PAK5: variants seen among roughly 807,000 people sequenced by gnomAD.
The protein encoded by PAK5 is p21 (RAC1) activated kinase 5.
PAK5 carries 16 observed loss-of-function variants against 65.9 expected under a neutral mutation model. That is an observed-to-expected ratio of 0.24 (90% CI 0.16 to 0.37). PAK5 has a LOEUF of 0.37. Among genes scored for constraint, PAK5 ranks in the 10% least tolerant of loss-of-function variants. The pLI is 1.00. For missense variants in PAK5, 785 were observed against 903.9 expected (o/e 0.87, Z 1.69); for synonymous variants, 371 against 354.9 (o/e 1.05, Z -0.51).
chr20:9,645,032 A>G (rs917775673), intron 2 of PAK5, among the ~76,000 whole-genome samples: 1 of 152,238 alleles, frequency 6.6e-6, no homozygotes, highest in African/African-American at 2.4e-5. Context: ...TAGTCACCAC[A>G]TAAAGGATCA....
rs191989814 is a variant in PAK5, at chr20:9,683,488, G to T, written c.-12+27798C>A. Reference sequence around the variant, plus strand: ...ATAAAGCCTGGGGGATCTATCTTCTGCTTCTTTTTCCTTCTTCCTCTTCTT... The same window carrying T: ...ATAAAGCCTGGGGGATCTATCTTCTTCTTCTTTTTCCTTCTTCCTCTTCTT... On this transcript the variant is annotated intron_variant, in intron 2 of 9. Transcript: ENST00000353224. Among the ~76,000 whole-genome samples the T allele has an allele frequency of 4.8e-3, 735 of 152,296 alleles. 4 individuals carry two copies. The highest frequency in any genetic ancestry group is 5.9e-3 in the Non-Finnish European group (400 of 68,024).
Position 9,571,879 on chromosome 20 carries a change from G to C in PAK5, c.991-5495C>G, listed in dbSNP as rs868652569. On this transcript the variant is annotated intron_variant, in intron 4 of 9. Transcript: ENST00000353224. ...ACAGAGATAGGCATGAATGATGGGG[G>C]GGGGGGATGTGGTCTTAACAGGGGC... Among the ~76,000 whole-genome samples, 310 of 144,568 alleles carry C rather than the reference G, an allele frequency of 2.1e-3. 3 individuals are homozygous for C. Among genetic ancestry groups the C allele is most frequent in the Middle Eastern group, 0.01 (3 of 286 alleles). The allele number at this position is 144,568 out of a possible 152,430, so 94.8% of individuals were successfully genotyped here. A position where few individuals can be genotyped will look rare whatever the true frequency, so the allele number is the denominator to read the frequency against.
chr20:9,809,850 G>T (rs2049277621), intron 1 of PAK5, among the ~76,000 whole-genome samples: 1 of 152,096 alleles, frequency 6.6e-6, no homozygotes, highest in African/African-American at 2.4e-5. Flanking sequence ...ATGGCTGCAA[G>T]GTCAGAATTT....
chr20:9,670,100 C>T (rs1042143370), intron 2 of PAK5, among the ~76,000 whole-genome samples: 5 of 152,154 alleles, frequency 3.3e-5, no homozygotes, highest in Admixed American at 1.3e-4. Context: ...AGGACATGAA[C>T]TCATCCTTTT....
chr20:9,735,376 A>G (rs549392704), intron 1 of PAK5, among the ~76,000 whole-genome samples: 1 of 152,318 alleles, frequency 6.6e-6, no homozygotes, highest in Non-Finnish European at 1.5e-5. Flanking sequence ...TCGACTGAGT[A>G]GTGATCAATT....
rs531119546 is a variant in PAK5 at position 9,564,510 on chromosome 20, G to A, written c.1482+1383C>T. On this transcript the variant is annotated intron_variant, in intron 5 of 9. Transcript: ENST00000353224. ...TAAAAGTGCTAATGAAAACAGTAAGGTTTATTCATATCTAGCAGATGAACA... is the reference window on the plus strand; with the variant it reads ...TAAAAGTGCTAATGAAAACAGTAAGATTTATTCATATCTAGCAGATGAACA... Among the ~76,000 whole-genome samples the A allele has an allele frequency of 3.3e-5, 5 of 152,238 alleles. No individual in the cohort carries two copies. In the East Asian group the frequency reaches 5.8e-4, roughly 18 times the overall value.
At chr20:9,549,322 T>C (rs6133720) in intron 7 of PAK5, among the ~76,000 whole-genome samples, 8,226 of 152,136 alleles carry the variant, frequency 0.054, 342 homozygotes, top group East Asian at 0.23. Context: ...CCCACAAGCA[T>C]GTGTTCAGAG....
intron 1 of PAK5, among the ~76,000 whole-genome samples, chr20:9,823,186 G>A (rs1478926088): frequency 6.6e-6 from 1 of 152,142 alleles, no homozygotes; most frequent in Non-Finnish European, 1.5e-5. Context: ...CCCTCTGGAG[G>A]ACATAGCAAC....
intron 2 of PAK5, among the ~76,000 whole-genome samples, chr20:9,700,150 A>G (rs1239809974): frequency 6.6e-6 from 1 of 152,086 alleles, no homozygotes; most frequent in Non-Finnish European, 1.5e-5. Context: ...AGCGGCTCAC[A>G]CCTGTAATCC....
At chr20:9,784,375 G>A (rs545380649) in intron 1 of PAK5, 1 of 152,298 alleles carries the variant, frequency 6.6e-6, no homozygotes, top group African/African-American at 2.4e-5. Flanking sequence ...GAAGCATCCA[G>A]CGAAAGTTGG....
At chr20:9,817,367 G>T (rs1247660768) in intron 1 of PAK5, among the ~76,000 whole-genome samples, 1 of 152,086 alleles carries the variant, frequency 6.6e-6, no homozygotes, top group Admixed American at 6.6e-5. Context: ...GCACTACTAA[G>T]TGCCTACTTC....
At chr20:9,773,985 CA>C (rs1171766129) in intron 1 of PAK5, among the ~76,000 whole-genome samples, 2 of 152,102 alleles carry the variant, frequency 1.3e-5, no homozygotes, top group African/African-American at 2.4e-5. Flanking sequence ...ACTTATGTTT[CA>C]AAAGGTTATA....
intron 1 of PAK5, among the ~76,000 whole-genome samples, chr20:9,820,492 G>A (rs1388364929): frequency 6.6e-6 from 1 of 152,172 alleles, no homozygotes; most frequent in Non-Finnish European, 1.5e-5. Flanking sequence ...CTGCTATTTG[G>A]ATTAAAGGAG....
intron 1 of PAK5, among the ~76,000 whole-genome samples, chr20:9,757,397 AT>A (rs1325143201): frequency 6.6e-6 from 1 of 152,218 alleles, no homozygotes; most frequent in Non-Finnish European, 1.5e-5. Flanking sequence ...AATATGATGA[AT>A]ATAAAAAGAA....
chr20:9,771,965 G>A (rs2048838820), intron 1 of PAK5, among the ~76,000 whole-genome samples: 1 of 152,134 alleles, frequency 6.6e-6, no homozygotes, highest in African/African-American at 2.4e-5. Flanking sequence ...TTGAACCCGA[G>A]AGGCCGAAGA....
Position 9,557,164 on chromosome 20 carries a change from G to A in PAK5, c.1743+444C>T, listed in dbSNP as rs145745023. 9.1e-4 allele frequency among the ~76,000 whole-genome samples: 139 copies of A among 152,190 alleles called. 1 individual carries two copies. Among genetic ancestry groups the A allele is most frequent in the Middle Eastern group, 6.8e-3 (2 of 294 alleles). On this transcript the variant is annotated intron_variant, in intron 7 of 9. Coordinates refer to ENST00000353224, the MANE Select transcript of PAK5 (RefSeq NM_177990.4). ...TTATGATTTTTCTACATCTGCCCACGCTTTTGTAAACTGTCCTTTATTACA... is the reference window on the plus strand; with the variant it reads ...TTATGATTTTTCTACATCTGCCCACACTTTTGTAAACTGTCCTTTATTACA...
intron 3 of PAK5, among the ~76,000 whole-genome samples, chr20:9,613,289 T>G (rs1015116117): frequency 1.3e-5 from 2 of 152,252 alleles, no homozygotes; most frequent in Non-Finnish European, 2.9e-5. Context: ...CAGGGCAAAC[T>G]GCTCCTCCAA....
intron 3 of PAK5, among the ~76,000 whole-genome samples, chr20:9,615,336 G>A (rs1344354722): frequency 6.6e-6 from 1 of 152,202 alleles, no homozygotes; most frequent in African/African-American, 2.4e-5. Context: ...TGATAATGAC[G>A]TGTCCATGGA....
chr20:9,567,256 G>C (rs574132616), intron 4 of PAK5, among the ~76,000 whole-genome samples: 1 of 152,186 alleles, frequency 6.6e-6, no homozygotes, highest in East Asian at 1.9e-4. Context: ...TACATAGAAG[G>C]TACTCAGAAA....
Sources: allele counts gnomAD v4.1 joint callset (sites outside exome capture counted in the v4.1 genomes callset), GRCh38; gene constraint gnomAD v4.1.1; transcripts MANE v1.5; gene names NCBI Gene and HGNC (gene_info 2026-07-23, HGNC 2026-07-21).